PPP4R3A: variants seen among roughly 807,000 people sequenced by gnomAD.
PPP4R3A encodes serine/threonine-protein phosphatase 4 regulatory subunit 3A.
Under a neutral mutation model 91.7 loss-of-function variants are expected in PPP4R3A, and 15 were observed. The ratio of observed to expected loss-of-function variants is 0.16; its 90% confidence interval spans 0.11 to 0.25. The LOEUF is 0.25. Among genes scored for constraint, PPP4R3A ranks in the 10% least tolerant of loss-of-function variants. The pLI is 1.00. For synonymous variants in PPP4R3A, 377 were observed against 348.7 expected (o/e 1.08, Z -0.91); for missense variants, 623 against 998.4 (o/e 0.62, Z 5.07).
intron 2 of PPP4R3A, among the ~76,000 whole-genome samples, chr14:91,488,878 T>A (rs1890058927): frequency 6.6e-6 from 1 of 151,340 alleles, no homozygotes; most frequent in South Asian, 2.1e-4. Context: ...TATATACTGT[T>A]ATGAAAACTA....
chr14:91,501,592 G>A (rs1437015960), intron 1 of PPP4R3A, among the ~76,000 whole-genome samples: 1 of 152,002 alleles, frequency 6.6e-6, no homozygotes, highest in Non-Finnish European at 1.5e-5. Flanking sequence ...GGTGGTCAAG[G>A]CTGCAGTAAG....
At chr14:91,461,724 G>A in intron 13 of PPP4R3A, 117 bp from the exon 14 acceptor site, 6 of 1,056,102 alleles carry the variant, frequency 5.7e-6, no homozygotes, top group East Asian at 5.0e-5. Context: ...AAACATTGAA[G>A]TTCAATTTAT....
intron 2 of PPP4R3A, among the ~76,000 whole-genome samples, chr14:91,486,925 T>C (rs1385370219): frequency 1.1e-5 from 1 of 89,972 alleles, no homozygotes; most frequent in African/African-American, 4.4e-5. Context: ...AAAAAAAAAA[T>C]AGAGAGTCAA....
chr14:91,460,304 C>T (rs1057406890), intron 14 of PPP4R3A, among the ~76,000 whole-genome samples: 2 of 152,098 alleles, frequency 1.3e-5, no homozygotes, highest in Admixed American at 6.6e-5. Flanking sequence ...TAAGCCACCG[C>T]GCCTGGCTGC....
Position 91,481,533 on chromosome 14 carries a change from G to A in PPP4R3A, c.915+43C>T, listed in dbSNP as rs764021438. 199 of 1,491,982 alleles carry A rather than the reference G, an allele frequency of 1.3e-4. 2 individuals are homozygous for A. The East Asian group carries it at 4.4e-3, about 33-fold the overall frequency. The allele number at this position is 1,491,982 out of a possible 1,614,324, so 92.4% of individuals were successfully genotyped here. Reference sequence around the variant, plus strand: ...TATTTAAAAGGAGCAAATTGTTTTCGCTGCATCTCTTGAAATATGAAAAAA... The same window carrying A: ...TATTTAAAAGGAGCAAATTGTTTTCACTGCATCTCTTGAAATATGAAAAAA... On this transcript the variant is annotated intron_variant, in intron 4 of 14. Coordinates refer to ENST00000554943, the MANE Select transcript of PPP4R3A (RefSeq NM_001366432.2).
intron 9 of PPP4R3A, among the ~76,000 whole-genome samples, chr14:91,472,139 T>C (rs1197979232): frequency 6.6e-6 from 1 of 151,696 alleles, no homozygotes; most frequent in Non-Finnish European, 1.5e-5. Flanking sequence ...TAAGCAATTT[T>C]TGAATGTAGA....
chr14:91,460,925 C>T lies in PPP4R3A; in HGVS notation c.2391+456G>A, dbSNP rs573401462. Among the ~76,000 whole-genome samples, 78 of 152,234 alleles carry T rather than the reference C, an allele frequency of 5.1e-4. 2 individuals are homozygous for T. In the South Asian group the frequency reaches 0.012, roughly 23 times the overall value. ...TGAGCCACCGTGCCCAGCCCTTGTT[C>T]ATTTCTTATATGAAATGTTAGTGAT... On this transcript the variant is annotated intron_variant, in intron 14 of 14. Coordinates refer to ENST00000554943, the MANE Select transcript of PPP4R3A (RefSeq NM_001366432.2).
intron 2 of PPP4R3A, among the ~76,000 whole-genome samples, chr14:91,487,209 C>CA (rs1191011431): frequency 1.4e-5 from 2 of 140,040 alleles, no homozygotes; most frequent in African/African-American, 5.4e-5. Flanking sequence ...GAGATCGTGC[C>CA]ACTGCACTCC....
intron 14 of PPP4R3A, among the ~76,000 whole-genome samples, chr14:91,459,421 TAAG>T (rs961679586): frequency 1.3e-5 from 2 of 152,130 alleles, no homozygotes; most frequent in African/African-American, 4.8e-5. Flanking sequence ...CAAAAAAATT[TAAG>T]TAGTTTATAA....
At chr14:91,494,341 A>C (rs2140142050) in intron 1 of PPP4R3A, among the ~76,000 whole-genome samples, 1 of 152,354 alleles carries the variant, frequency 6.6e-6, no homozygotes, top group Middle Eastern at 3.4e-3. Context: ...TTTGTGCTGC[A>C]AACAATACCA....
intron 3 of PPP4R3A, among the ~76,000 whole-genome samples, chr14:91,483,166 G>A (rs922949542): frequency 1.3e-5 from 2 of 152,048 alleles, no homozygotes; most frequent in Non-Finnish European, 2.9e-5. Flanking sequence ...AACAAATTTT[G>A]TTATCTTGGC....
At chr14:91,476,102 A>G (rs1889189789) in intron 6 of PPP4R3A, 136 bp from the exon 7 acceptor site, 12 of 839,780 alleles carry the variant, frequency 1.4e-5, no homozygotes. Flanking sequence ...TTCTGCATAT[A>G]AAACTCTTAT....
In PPP4R3A at chr14:91,509,711, A is replaced by G; in HGVS notation, c.-64T>C. 15 of 1,515,170 alleles carry G rather than the reference A, an allele frequency of 9.9e-6. No homozygotes were observed. The highest frequency in any genetic ancestry group is 1.2e-5 in the Non-Finnish European group (14 of 1,139,848). 93.9% of individuals were successfully genotyped at this position (1,515,170 alleles called of 1,614,324 possible). A position where few individuals can be genotyped will look rare whatever the true frequency, so the allele number is the denominator to read the frequency against. On this transcript the variant is annotated 5_prime_UTR_variant, in exon 1 of 15. Coordinates refer to ENST00000554943, the MANE Select transcript of PPP4R3A (RefSeq NM_001366432.2). ...GACGCCCAGGAAAGGGGCCCTGGAG[A>G]GGCGAGGGGCGAGGCGTGAGGGCGC...
Position 91,468,317 on chromosome 14 carries a change from T to C in PPP4R3A, c.1660+2520A>G, listed in dbSNP as rs951927343. Among the ~76,000 whole-genome samples the C allele has an allele frequency of 2.4e-4, 37 of 152,270 alleles. 1 individual carries two copies. The highest frequency in any genetic ancestry group is 2.4e-3 in the Admixed American group (36 of 15,294). On this transcript the variant is annotated intron_variant, in intron 10 of 14. Transcript: ENST00000554943. The stretch of plus-strand genomic sequence containing the variant: ...CAATACTGCAAGCAAAATAATGAAA[T>C]GATGAACTGAACTAAAGAAAAGTCC...
intron 11 of PPP4R3A, among the ~76,000 whole-genome samples, chr14:91,464,464 CT>C (rs960265497): frequency 6.6e-6 from 1 of 152,076 alleles, no homozygotes; most frequent in African/African-American, 2.4e-5. Context: ...TTTATCCCAG[CT>C]TTTAAAAAAG....
chr14:91,465,311 T>C lies in PPP4R3A; in HGVS notation c.1769A>G (p.Asn590Ser), dbSNP rs1460657977. 1.2e-6 allele frequency: 2 copies of C among 1,608,996 alleles called. No homozygotes were observed. The highest frequency in any genetic ancestry group is 8.5e-7 in the Non-Finnish European group (1 of 1,178,648). ...GTTCATCAGATTGTAGCGGGATCCA[T>C]TGTTGAGAAATGCTTTCACTACTGG... ...FEPVVKAFLN[N>S]GSRYNLMNSA... The change falls in exon 11 of 15, where the codon AAT (asparagine) becomes AGT (serine). Residue 590 changes from asparagine (N) to serine (S), a missense_variant. Physicochemically the swap from Asn to Ser is conservative, Grantham distance 46. Transcript: ENST00000554943.
At chr14:91,487,354 T>C (rs571673666) in intron 2 of PPP4R3A, among the ~76,000 whole-genome samples, 22 of 152,134 alleles carry the variant, frequency 1.4e-4, no homozygotes, top group African/African-American at 4.1e-4. Flanking sequence ...GATCCTCTCA[T>C]TGAGAGCAAT....
chr14:91,467,958 A>C (rs1269233268), intron 10 of PPP4R3A, among the ~76,000 whole-genome samples: 3 of 152,146 alleles, frequency 2.0e-5, no homozygotes, highest in Non-Finnish European at 4.4e-5. Context: ...AAGAACCACA[A>C]GTATCTTAAA....
In PPP4R3A at chr14:91,509,885, AGCCCGGC is replaced by A. The variant is rs942000146; in HGVS notation, c.-245_-239del. 1.3e-5 allele frequency: 14 copies of A among 1,094,572 alleles called. No individual in the cohort carries two copies. In the African/African-American group the frequency reaches 1.8e-4, roughly 14 times the overall value. The allele number at this position is 1,094,572 out of a possible 1,614,324, so 67.8% of individuals were successfully genotyped here. A position where few individuals can be genotyped will look rare whatever the true frequency, so the allele number is the denominator to read the frequency against. On this transcript the variant is annotated 5_prime_UTR_variant, in exon 1 of 15. Transcript: ENST00000554943. ...CCGGCGCTATTGTCCAGGCCTGGCG[AGCCCGGC>A]GCCCGGCAGCCCCGAGGGGGCCGCG...
Sources: gnomAD v4.1 joint callset for allele counts (sites outside exome capture counted in the v4.1 genomes callset) on GRCh38, gnomAD v4.1.1 for gene constraint, MANE v1.5 for transcripts, NCBI Gene and HGNC (gene_info 2026-07-23, HGNC 2026-07-21) for gene names.